Variants in GALNT15 observed in about 807,000 individuals in gnomAD.
GALNT15 encodes the protein polypeptide N-acetylgalactosaminyltransferase 15.
In GALNT15, 67 loss-of-function variants were observed where a neutral mutation model predicts 66.8. The observed-to-expected ratio is 1.00, with a 90% CI of 0.82 to 1.23. The LOEUF (loss-of-function observed/expected upper bound fraction) is 1.23, where lower values mean the gene tolerates loss of function less well. Among genes scored for constraint, GALNT15 ranks in the 50% most tolerant of loss-of-function variants. The pLI, the probability that GALNT15 is intolerant of heterozygous loss-of-function variation, is 0.00. For missense variants in GALNT15, 827 were observed against 804.3 expected (o/e 1.03, Z -0.34); for synonymous variants, 313 against 311.5 (o/e 1.00, Z -0.05).
chr3:16,232,514 ATTT>A (rs1559698454), downstream of GALNT15, among the ~76,000 whole-genome samples: 18 of 79,122 alleles, frequency 2.3e-4, no homozygotes, highest in African/African-American at 8.1e-4. Flanking sequence ...ATATATATTT[ATTT>A]AAAAGAGACA....
intron 3 of GALNT15, among the ~76,000 whole-genome samples, chr3:16,201,818 G>A (rs1231605014): frequency 6.6e-6 from 1 of 152,150 alleles, no homozygotes; most frequent in Non-Finnish European, 1.5e-5. Flanking sequence ...AACATGTCTA[G>A]TCAAACATTA....
chr3:16,216,995 C>T (rs961104224), intron 6 of GALNT15, among the ~76,000 whole-genome samples: 4 of 152,166 alleles, frequency 2.6e-5, no homozygotes, highest in Admixed American at 2.6e-4. Context: ...TAACCAACAC[C>T]TGATGGTGGC....
In GALNT15 at chr3:16,228,061, G is replaced by T; in HGVS notation, c.*561G>T. 1.0e-6 allele frequency: 1 copy of T among 986,532 alleles called. No homozygotes were observed. Among genetic ancestry groups the T allele is most frequent in the Non-Finnish European group, 1.2e-6 (1 of 830,460 alleles). The allele number at this position is 986,532 out of a possible 1,614,324, so 61.1% of individuals were successfully genotyped here. ...TACAGAAAGGAGGTTTAGGATTGCA[G>T]AGAAGATGCAAGAGCACTTTGGCCC... On this transcript the variant is annotated 3_prime_UTR_variant, in exon 10 of 10. Transcript: ENST00000339732.
At chr3:16,220,922 A>G (rs2063935763) in intron 8 of GALNT15, among the ~76,000 whole-genome samples, 1 of 152,160 alleles carries the variant, frequency 6.6e-6, no homozygotes, top group Admixed American at 6.5e-5. Context: ...GCCCTTTACC[A>G]ATCTCCTAGG....
At chr3:16,213,547 G>A (rs1002907108) in intron 6 of GALNT15, among the ~76,000 whole-genome samples, 3 of 151,728 alleles carry the variant, frequency 2.0e-5, no homozygotes, top group African/African-American at 4.8e-5. Context: ...TTATCAATTG[G>A]TCAGTGGCTG....
At chr3:16,199,608 G>A (rs1285020985) in intron 2 of GALNT15, among the ~76,000 whole-genome samples, 1 of 143,998 alleles carries the variant, frequency 6.9e-6, no homozygotes, top group Admixed American at 7.0e-5. Flanking sequence ...GAAATCTGTA[G>A]GGGAGTGAGT....
At position 16,228,653 on chromosome 3, in the gene GALNT15, A is replaced by T; in HGVS notation, c.*1153A>T. 1 of 985,134 alleles carries T rather than the reference A, an allele frequency of 1.0e-6. No homozygotes were observed. The highest frequency in any genetic ancestry group is 1.2e-6 in the Non-Finnish European group (1 of 829,834). The allele number at this position is 985,134 out of a possible 1,614,324, so 61.0% of individuals were successfully genotyped here. ...GAGACTCCATCTCAAAAAAAAAAAA[A>T]AAGAGAGAAACTCTCCTGATGCCCT... On this transcript the variant is annotated 3_prime_UTR_variant, in exon 10 of 10. Transcript: ENST00000339732.
chr3:16,211,995 A>G lies in GALNT15; in HGVS notation c.1198-574A>G, dbSNP rs1251049735. 2.0e-5 allele frequency among the ~76,000 whole-genome samples: 3 copies of G among 152,200 alleles called. No homozygotes were observed. The highest frequency in any genetic ancestry group is 7.2e-5 in the African/African-American group (3 of 41,448). On this transcript the variant is annotated intron_variant, in intron 5 of 9. Transcript: ENST00000339732. The surrounding 1 kb of genome is among the most constrained non-coding windows in gnomAD (Gnocchi z 4.3). ...ATTCATATGCTGCTTATCCTAGGAC[A>G]GTACTTCTACTTTAACCTTTATCCT...
intron 1 of GALNT15, among the ~76,000 whole-genome samples, chr3:16,194,910 G>A (rs2063616521): frequency 6.6e-6 from 1 of 152,144 alleles, no homozygotes; most frequent in African/African-American, 2.4e-5. Flanking sequence ...GTTGATGGTG[G>A]CAGCAAACCA....
In GALNT15 at chr3:16,211,677, A is replaced by C. The variant is rs1196972435; in HGVS notation, c.1197+436A>C. On this transcript the variant is annotated intron_variant, in intron 5 of 9. Transcript: ENST00000339732. This position sits in a 1 kb window ranked among gnomAD's most constrained non-coding sequence, Gnocchi z 4.3. ...CTTAGCACCTGTTGGGCACCACACA[A>C]CTTCTCAAACCTTGGAGTCACCCTC... 2.0e-5 allele frequency among the ~76,000 whole-genome samples: 3 copies of C among 152,194 alleles called. No individual in the cohort carries two copies. Among genetic ancestry groups the C allele is most frequent in the Non-Finnish European group, 4.4e-5 (3 of 68,040 alleles).
intron 1 of GALNT15, among the ~76,000 whole-genome samples, chr3:16,178,899 T>A (rs996768569): frequency 6.6e-6 from 1 of 152,158 alleles, no homozygotes; most frequent in African/African-American, 2.4e-5. Context: ...TGCAATTCCA[T>A]CCTTGACTCC....
intron 4 of GALNT15, among the ~76,000 whole-genome samples, chr3:16,210,279 C>T (rs2063799419): frequency 6.6e-6 from 1 of 152,164 alleles, no homozygotes; most frequent in Non-Finnish European, 1.5e-5. Flanking sequence ...TTGGGAGTGG[C>T]AGAGTTGGAA....
At chr3:16,241,298 A>G in the GALNT15 span, among the ~76,000 whole-genome samples, 42 of 152,212 alleles carry the variant, frequency 2.8e-4, no homozygotes, top group African/African-American at 9.9e-4. The surrounding 1 kb of genome is among the most constrained non-coding windows in gnomAD (Gnocchi z 4.6). Context: ...CGATCACAGC[A>G]TCTTTCTTTT....
intron 3 of GALNT15, among the ~76,000 whole-genome samples, chr3:16,207,459 T>C (rs1260212776): frequency 1.5e-5 from 2 of 130,670 alleles, no homozygotes; most frequent in Non-Finnish European, 3.1e-5. Context: ...ATATGACCCA[T>C]GTCAATTTCT....
At chr3:16,208,089 A>G (rs1463274441) in intron 3 of GALNT15, among the ~76,000 whole-genome samples, 1 of 152,230 alleles carries the variant, frequency 6.6e-6, no homozygotes, top group Non-Finnish European at 1.5e-5. Flanking sequence ...TCTTTAAAGC[A>G]ATACACCCTA....
At position 16,209,051 on chromosome 3, in the gene GALNT15, G is replaced by A. The variant is rs149278247; in HGVS notation, c.1079+381G>A. On this transcript the variant is annotated intron_variant, in intron 4 of 9. Transcript: ENST00000339732. This position sits in a 1 kb window ranked among gnomAD's most constrained non-coding sequence, Gnocchi z 4.1. ...CCAGCTCTCTCATCAGGTACAGTGT[G>A]AATTCCTCAGGTCTCGTCTTAGCAA... 5.5e-4 allele frequency among the ~76,000 whole-genome samples: 84 copies of A among 152,292 alleles called. 3 individuals carry two copies. The East Asian group carries it at 0.015, about 28-fold the overall frequency.
chr3:16,192,994 A>C (rs1460604955), intron 1 of GALNT15, among the ~76,000 whole-genome samples: 1 of 152,202 alleles, frequency 6.6e-6, no homozygotes, highest in African/African-American at 2.4e-5. Flanking sequence ...ACCATGTCGG[A>C]TTCCTGGTTT....
chr3:16,234,194 T>C (rs1505603), downstream of GALNT15, among the ~76,000 whole-genome samples: 115,059 of 152,212 alleles, frequency 0.76, 43,776 homozygotes, highest in African/African-American at 0.83. Context: ...ATTTATCCTC[T>C]AACACCAGAG....
rs112391259 is a variant in GALNT15, at chr3:16,188,143, C to G, written c.540-7617C>G. 0.012 allele frequency among the ~76,000 whole-genome samples: 1,789 copies of G among 152,326 alleles called. 16 individuals carry two copies. The highest frequency in any genetic ancestry group is 0.019 in the Non-Finnish European group (1,278 of 68,038). ...ACATCTAGCCTCACGCTCTTCCCCC[C>G]AGACCATTATCCTGGCTCCGGCTGT... On this transcript the variant is annotated intron_variant, in intron 1 of 9. Coordinates refer to ENST00000339732, the MANE Select transcript of GALNT15 (RefSeq NM_054110.5). The surrounding 1 kb of genome is among the most constrained non-coding windows in gnomAD (Gnocchi z 4.6).
Sources: allele counts gnomAD v4.1 joint callset (sites outside exome capture counted in the v4.1 genomes callset), GRCh38; gene constraint gnomAD v4.1.1; non-coding constraint Gnocchi (gnomAD v3.1); transcripts MANE v1.5; gene names NCBI Gene and HGNC (gene_info 2026-07-23, HGNC 2026-07-21).